The following SLC15A5 variants were observed in gnomAD, a reference collection of about 807,000 sequenced individuals.
SLC15A5 encodes solute carrier family 15 member 5, also known as Peptide/histidine transporter ENSP00000340402.
SLC15A5 carries 58 observed loss-of-function variants against 56.1 expected under a neutral mutation model. The ratio of observed to expected loss-of-function variants is 1.03; its 90% CI spans 0.84 to 1.29. The LOEUF (loss-of-function observed/expected upper bound fraction) is 1.29. SLC15A5 is among the 50% of genes most tolerant of loss of function. The probability of loss-of-function intolerance (pLI) is 0.00; values close to 1 mark genes in which losing one functional copy is unlikely to be tolerated. For missense variants in SLC15A5, 681 were observed against 672.1 expected, an observed-to-expected ratio of 1.01 and a Z score of -0.15; for synonymous variants, 264 against 250.5, an observed-to-expected ratio of 1.05 and a Z score of -0.51.
chr12:16,240,641 C>T (rs539723098), intron 4 of SLC15A5, among the ~76,000 whole-genome samples: 1 of 151,978 alleles, frequency 6.6e-6, no homozygotes, highest in Non-Finnish European at 1.5e-5. Flanking sequence ...AAAATAACCC[C>T]AATGCTAACT....
intron 7 of SLC15A5, among the ~76,000 whole-genome samples, chr12:16,211,212 C>T (rs1366604084): frequency 2.0e-5 from 3 of 152,234 alleles, no homozygotes; most frequent in African/African-American, 7.2e-5. Context: ...CCATGAAATG[C>T]AGTTGGAATA....
chr12:16,277,339 A>G lies in SLC15A5; in HGVS notation c.347T>C (p.Phe116Ser), dbSNP rs1185414380. 2 of 1,524,772 alleles carry G rather than the reference A, an allele frequency of 1.3e-6. No homozygotes were observed. Among genetic ancestry groups the G allele is most frequent in the African/African-American group, 2.8e-5 (2 of 72,600 alleles). The allele number at this position is 1,524,772 out of a possible 1,614,324, so 94.5% of individuals were successfully genotyped here. ...GRNKLVYICL[F>S]LHFLGTALLS... ...AGGACACTCACCTAGAAAATGTAGAAACAAGCAAATGTACACCAGTTTGTT... is the reference window on the plus strand; with the variant it reads ...AGGACACTCACCTAGAAAATGTAGAGACAAGCAAATGTACACCAGTTTGTT... Residue 116 changes from phenylalanine to serine, a missense_variant, in exon 1 of 9, where the codon TTT becomes TCT. Transcript: ENST00000344941.
chr12:16,217,440 A>G (rs1486963203), intron 6 of SLC15A5, among the ~76,000 whole-genome samples: 1 of 152,170 alleles, frequency 6.6e-6, no homozygotes, highest in Admixed American at 6.5e-5. Context: ...TAAAATTTGC[A>G]TCAAGGTTAA....
At chr12:16,268,579 A>G (rs1468960366) in intron 2 of SLC15A5, among the ~76,000 whole-genome samples, 2 of 152,214 alleles carry the variant, frequency 1.3e-5, no homozygotes, top group African/African-American at 2.4e-5. Context: ...ATTGAAGAGT[A>G]TATGTAGATT....
chr12:16,253,947 G>T (rs1864544024), intron 3 of SLC15A5, among the ~76,000 whole-genome samples: 2 of 152,022 alleles, frequency 1.3e-5, no homozygotes, highest in African/African-American at 4.8e-5. Flanking sequence ...ATATCCATAA[G>T]AATTCAAAGT....
Position 16,199,935 on chromosome 12 carries a change from T to C in SLC15A5, c.1484-5482A>G, listed in dbSNP as rs184357842. ...TATCTAGTCAGAGTGTTAGAAAACC[T>C]AAAAATGCTGTAAAGTTCTCATTGT... On this transcript the variant is annotated intron_variant, in intron 7 of 8. Coordinates refer to ENST00000344941, the MANE Select transcript of SLC15A5 (RefSeq NM_001170798.1). Among the ~76,000 whole-genome samples, 7 of 152,076 alleles carry C rather than the reference T, an allele frequency of 4.6e-5. No individual in the cohort carries two copies. In the East Asian group the frequency reaches 1.4e-3, roughly 29 times the overall value.
chr12:16,224,118 G>A (rs1864215174), intron 6 of SLC15A5, among the ~76,000 whole-genome samples: 1 of 152,146 alleles, frequency 6.6e-6, no homozygotes, highest in African/African-American at 2.4e-5. Flanking sequence ...CTGGGTTTTA[G>A]CAGAGGTTTT....
rs763515940 is a variant in SLC15A5 at position 16,193,780 on chromosome 12, G to GGAGCGAGAGAGAGAGAGA, written c.1592+564_1592+565insTCTCTCTCTCTCTCGCTC. Among the ~76,000 whole-genome samples the GGAGCGAGAGAGAGAGAGA allele has an allele frequency of 2.4e-4, 18 of 75,692 alleles. 4 individuals are homozygous for GGAGCGAGAGAGAGAGAGA. Among genetic ancestry groups the GGAGCGAGAGAGAGAGAGA allele is most frequent in the Non-Finnish European group, 3.7e-4 (14 of 37,940 alleles). The allele number at this position is 75,692 out of a possible 152,430, so 49.7% of individuals were successfully genotyped here. A position where few individuals can be genotyped will look rare whatever the true frequency, so the allele number is the denominator to read the frequency against. ...ACAGCTGTCCAAGAATATGTCAAGG[G>GGAGCGAGAGAGAGAGAGA]GAGAGAGAGAGAGAGAGAGAGAGAG... On this transcript the variant is annotated intron_variant, in intron 8 of 8. Coordinates refer to ENST00000344941, the MANE Select transcript of SLC15A5 (RefSeq NM_001170798.1).
chr12:16,275,390 T>C (rs1591664838), intron 1 of SLC15A5, among the ~76,000 whole-genome samples: 1 of 152,158 alleles, frequency 6.6e-6, no homozygotes, highest in East Asian at 1.9e-4. Context: ...AAGGTTGTTG[T>C]ATGCTAAATT....
At chr12:16,201,981 A>T (rs185822738) in intron 7 of SLC15A5, among the ~76,000 whole-genome samples, 2 of 152,168 alleles carry the variant, frequency 1.3e-5, no homozygotes, top group African/African-American at 4.8e-5. Context: ...AAAGGCCTCA[A>T]TGCAAGACAT....
At chr12:16,227,976 A>G (rs1314620920) in intron 5 of SLC15A5, among the ~76,000 whole-genome samples, 1 of 152,222 alleles carries the variant, frequency 6.6e-6, no homozygotes, top group Non-Finnish European at 1.5e-5. Context: ...GGGCACTGAT[A>G]AAACCATAGC....
intron 8 of SLC15A5, among the ~76,000 whole-genome samples, chr12:16,191,663 G>T (rs180741455): frequency 6.6e-6 from 1 of 151,942 alleles, no homozygotes; most frequent in African/African-American, 2.4e-5. Context: ...GAAAAAAATC[G>T]GAATCATGCG....
chr12:16,255,019 G>A (rs902298015), intron 3 of SLC15A5, among the ~76,000 whole-genome samples: 12 of 152,208 alleles, frequency 7.9e-5, no homozygotes, highest in South Asian at 2.1e-4. Context: ...AAGAAATGAT[G>A]TTTGAAATGA....
chr12:16,262,550 T>C (rs1399396939), intron 2 of SLC15A5, among the ~76,000 whole-genome samples: 5 of 152,254 alleles, frequency 3.3e-5, no homozygotes, highest in Admixed American at 2.6e-4. Context: ...GGATTATAAC[T>C]ACATGGTGCT....
intron 3 of SLC15A5, among the ~76,000 whole-genome samples, chr12:16,250,834 C>G (rs146607334): frequency 6.6e-6 from 1 of 151,864 alleles, no homozygotes; most frequent in East Asian, 1.9e-4. Flanking sequence ...ACTTTTTGAC[C>G]ATGACTCAAA....
intron 7 of SLC15A5, among the ~76,000 whole-genome samples, chr12:16,202,712 C>T (rs547199859): frequency 1.3e-5 from 2 of 152,166 alleles, no homozygotes; most frequent in Admixed American, 6.6e-5. Context: ...ATGAACACAA[C>T]TAAAGTGCGC....
intron 5 of SLC15A5, among the ~76,000 whole-genome samples, chr12:16,225,669 A>G (rs1363795333): frequency 6.6e-6 from 1 of 152,258 alleles, no homozygotes; most frequent in East Asian, 1.9e-4. Context: ...TCAAAAGAAG[A>G]CATTTATGCA....
intron 3 of SLC15A5, among the ~76,000 whole-genome samples, chr12:16,250,875 A>C (rs1864512462): frequency 6.6e-6 from 1 of 151,988 alleles, no homozygotes; most frequent in African/African-American, 2.4e-5. Context: ...AATATTGAAG[A>C]ATTTTATTAC....
chr12:16,242,850 G>A (rs530938103), intron 4 of SLC15A5, among the ~76,000 whole-genome samples: 1 of 152,264 alleles, frequency 6.6e-6, no homozygotes, highest in South Asian at 2.1e-4. Flanking sequence ...TAGTAATTTT[G>A]TACTGTTTAT....
Sources: allele counts gnomAD v4.1 joint callset (sites outside exome capture counted in the v4.1 genomes callset), GRCh38; gene constraint gnomAD v4.1.1; transcripts MANE v1.5; gene names NCBI Gene and HGNC (gene_info 2026-07-23, HGNC 2026-07-21).